Variants in TAL1 observed in about 807,000 individuals in gnomAD.
TAL1 encodes the protein T-cell acute lymphocytic leukemia protein 1.
In TAL1, 8 loss-of-function variants were observed where a neutral mutation model predicts 17.9. The ratio of observed to expected loss-of-function variants is 0.45; its 90% CI spans 0.26 to 0.81. The LOEUF (loss-of-function observed/expected upper bound fraction) is 0.81, where lower values mean the gene tolerates loss of function less well. TAL1 is among the 30% of genes least tolerant of loss of function. The probability of loss-of-function intolerance (pLI) is 0.17; values close to 1 mark genes in which losing one functional copy is unlikely to be tolerated. For synonymous variants in TAL1, 223 were observed against 218.6 expected (o/e 1.02, Z -0.18); for missense variants, 466 against 486.9 (o/e 0.96, Z 0.40).
chr1:47,225,233 CT>C (rs1385219566), intron 2 of TAL1, among the ~76,000 whole-genome samples: 23 of 152,218 alleles, frequency 1.5e-4, no homozygotes, highest in African/African-American at 5.1e-4. Context: ...CACACTCTCT[CT>C]CACAGAAGGC....
chr1:47,218,257 C>G (rs1255720253), exon 4 of TAL1: 1 of 233,014 alleles, frequency 4.3e-6, no homozygotes, highest in Admixed American at 5.6e-5. Context: ...GCAATTTGTC[C>G]CATGGGCTTA....
At chr1:47,219,215 G>A (rs1200876626) in exon 4 of TAL1, 4 of 437,776 alleles carry the variant, frequency 9.1e-6, no homozygotes, top group Non-Finnish European at 1.7e-5. Flanking sequence ...AAGCTGGATG[G>A]ATCAACATAG....
chr1:47,226,435 TG>T (rs1273938589), intron 1 of TAL1, among the ~76,000 whole-genome samples: 1 of 151,824 alleles, frequency 6.6e-6, no homozygotes, highest in Non-Finnish European at 1.5e-5. Flanking sequence ...CCGGTGCGGA[TG>T]GAAGTAGGGA....
At chr1:47,226,315 G>A (rs772139936) in intron 1 of TAL1, 1 of 164,706 alleles carries the variant, frequency 6.1e-6, no homozygotes, top group Admixed American at 6.4e-5. Flanking sequence ...TCCGGATCGT[G>A]CTCTTTGGTT....
At chr1:47,219,667 C>G in exon 4 of TAL1, 1 of 1,600,492 alleles carries the variant, frequency 6.2e-7, no homozygotes, top group Non-Finnish European at 8.5e-7. Flanking sequence ...TGAAGCCCAC[C>G]ATCCCAGCAG....
At chr1:47,219,853 T>A (rs140161351) in exon 4 of TAL1, 14 of 1,598,114 alleles carry the variant, frequency 8.8e-6, no homozygotes, top group Non-Finnish European at 1.2e-5. Flanking sequence ...GCAGCTGGAG[T>A]TGGGGGAAAG....
At chr1:47,216,604 G>T (rs1233697655) in exon 4 of TAL1, 11 of 231,782 alleles carry the variant, frequency 4.7e-5, no homozygotes, top group Non-Finnish European at 8.6e-5. Flanking sequence ...CACAAGTACG[G>T]CCAGACCCAC....
chr1:47,225,560 G>T, exon 2 of TAL1: 3 of 1,280,644 alleles, frequency 2.3e-6, no homozygotes, highest in South Asian at 2.9e-5. Context: ...GGGCAGCTCC[G>T]CTGTAACCGA....
intron 3 of TAL1, among the ~76,000 whole-genome samples, chr1:47,220,891 C>A (rs1643783279): frequency 6.6e-6 from 1 of 152,184 alleles, no homozygotes; most frequent in Non-Finnish European, 1.5e-5. Context: ...CAAACCAGGG[C>A]TGAATTGTAA....
intron 1 of TAL1, chr1:47,228,151 C>T (rs1359277556): frequency 6.2e-6 from 1 of 162,076 alleles, no homozygotes; most frequent in Non-Finnish European, 1.4e-5. Context: ...CGCCAAGGTT[C>T]CTTGTAAGAA....
At chr1:47,232,216 G>T, upstream of TAL1, 1 of 182,606 alleles carries the variant, frequency 5.5e-6, no homozygotes, top group South Asian at 1.7e-4. Flanking sequence ...GCCCGGTCCT[G>T]AGCGGCGGCG....
intron 1 of TAL1, chr1:47,227,185 C>T (rs1459928022): frequency 6.6e-6 from 1 of 152,212 alleles, no homozygotes; most frequent in Non-Finnish European, 1.5e-5. Context: ...TCTTCCATCA[C>T]CTGGCTTCAT....
At chr1:47,224,174 C>A in intron 2 of TAL1, 76 bp from the exon 4 acceptor site, 1 of 1,445,070 alleles carries the variant, frequency 6.9e-7, no homozygotes, top group South Asian at 1.2e-5. Flanking sequence ...GGGATCCTCC[C>A]CACATGTCTT....
intron 1 of TAL1, among the ~76,000 whole-genome samples, chr1:47,226,466 G>A (rs1643913331): frequency 6.6e-6 from 1 of 152,136 alleles, no homozygotes; most frequent in African/African-American, 2.4e-5. Flanking sequence ...TGGAGGCTAC[G>A]GGGACTGGGA....
upstream of TAL1, chr1:47,231,199 C>A (rs1644007115): frequency 5.6e-6 from 1 of 180,172 alleles, no homozygotes; most frequent in African/African-American, 2.4e-5. Flanking sequence ...AGGCGGGCCT[C>A]CGGGCAGAGC....
chr1:47,225,527 A>T, exon 2 of TAL1: 1 of 1,269,680 alleles, frequency 7.9e-7, no homozygotes, highest in Non-Finnish European at 9.9e-7. Context: ...GGGAGGACTC[A>T]GCTGCACCAT....
rs769090200 is a variant in TAL1 at position 47,225,692 on chromosome 1, C to T, written c.197G>A (p.Gly66Asp). The T allele has an allele frequency of 1.3e-5, 18 of 1,431,190 alleles. No individual in the cohort carries two copies. The African/African-American group carries it at 2.6e-4, about 20-fold the overall frequency. 88.7% of individuals were successfully genotyped at this position (1,431,190 alleles called of 1,614,324 possible). A position where few individuals can be genotyped will look rare whatever the true frequency, so the allele number is the denominator to read the frequency against. ...TAAGTCTCTCGCGGCGCCGCCCCCA[C>T]CGGCAGGGCCGCCCCCCGGGCCTCC... Residue 66 changes from glycine (G) to aspartate (D), a missense_variant, in exon 2 of 4, where the codon GGT (glycine) becomes GAT (aspartate). Gly to Asp is a moderately conservative substitution (Grantham distance 94). Transcript: ENST00000294339.
exon 2 of TAL1, chr1:47,225,515 G>T: frequency 1.2e-5 from 15 of 1,236,540 alleles, no homozygotes; most frequent in Non-Finnish European, 1.5e-5. Flanking sequence ...GGCAGCCAGC[G>T]CGGGAGGACT....
intron 3 of TAL1, among the ~76,000 whole-genome samples, chr1:47,221,369 T>C (rs984603145): frequency 6.6e-6 from 1 of 152,212 alleles, no homozygotes; most frequent in African/African-American, 2.4e-5. Flanking sequence ...CTTGGCCCAA[T>C]AGTCACTAAC....
Sources: allele counts gnomAD v4.1 joint callset (sites outside exome capture counted in the v4.1 genomes callset), GRCh38; gene constraint gnomAD v4.1.1; transcripts MANE v1.5; gene names NCBI Gene and HGNC (gene_info 2026-07-23, HGNC 2026-07-21).